POLR3B: variants seen among roughly 807,000 people sequenced by gnomAD.
The protein encoded by POLR3B is RNA polymerase III subunit B.
POLR3B carries 96 observed loss-of-function variants against 147.4 expected under a neutral mutation model. The observed-to-expected ratio is 0.65, with a 90% CI of 0.55 to 0.77. The LOEUF is 0.77. Ranked by LOEUF, POLR3B falls within the 30% of genes least tolerant of loss-of-function variation. The pLI is 0.00. For synonymous variants in POLR3B, 461 were observed against 485.9 expected (o/e 0.95, Z 0.67); for missense variants, 1,036 against 1,413.5 (o/e 0.73, Z 4.28).
intron 19 of POLR3B, 42 bp from the exon 20 acceptor site, chr12:106,454,460 A>G (rs754150160): frequency 7.5e-6 from 7 of 928,798 alleles, no homozygotes; most frequent in Non-Finnish European, 5.4e-6. Context: ...ATTATTTCAC[A>G]TAATAGAATG....
rs576237770 is a variant in POLR3B, at chr12:106,510,136, G to C, written c.*587G>C. The C allele has an allele frequency of 1.4e-4, 22 of 162,722 alleles. No homozygotes were observed. Among genetic ancestry groups the C allele is most frequent in the Admixed American group, 2.3e-4 (4 of 17,202 alleles). 10.1% of individuals were successfully genotyped at this position (162,722 alleles called of 1,614,324 possible). ...GTCGTCTTCTCCTATGGACTCAATT[G>C]CTATTATTTTAAACCTGCATGATTG... On this transcript the variant is annotated 3_prime_UTR_variant, in exon 28 of 28. Coordinates refer to ENST00000228347, the MANE Select transcript of POLR3B (RefSeq NM_018082.6).
At chr12:106,379,125 T>C (rs950050727) in intron 8 of POLR3B, among the ~76,000 whole-genome samples, 1 of 152,238 alleles carries the variant, frequency 6.6e-6, no homozygotes. Context: ...GGTATATTAT[T>C]TGTCACCTCA....
chr12:106,459,655 G>A (rs2037909975), intron 22 of POLR3B, among the ~76,000 whole-genome samples: 1 of 152,194 alleles, frequency 6.6e-6, no homozygotes, highest in South Asian at 2.1e-4. Context: ...TGGAGGATCA[G>A]TGTAGCTTGC....
At chr12:106,369,444 G>A (rs928380357) in intron 5 of POLR3B, 94 bp downstream of exon 5, 5 of 941,870 alleles carry the variant, frequency 5.3e-6, no homozygotes, top group Non-Finnish European at 8.8e-6. Flanking sequence ...AAAATGGGAT[G>A]GGGGGGGACA....
rs187407858 is a variant in POLR3B, at chr12:106,413,438, G to C, written c.1101+2478G>C. Among the ~76,000 whole-genome samples, 14 of 152,102 alleles carry C rather than the reference G, an allele frequency of 9.2e-5. No individual in the cohort carries two copies. In the East Asian group the frequency reaches 2.7e-3, roughly 29 times the overall value. ...AAATATTTCACCTCCTTCTGCCTCA[G>C]GTTCCCTGTCTGTAAAAATGGGGTT... On this transcript the variant is annotated intron_variant, in intron 12 of 27. Transcript: ENST00000228347.
At chr12:106,397,648 T>C (rs905463494) in intron 10 of POLR3B, among the ~76,000 whole-genome samples, 2 of 152,252 alleles carry the variant, frequency 1.3e-5, no homozygotes, top group African/African-American at 4.8e-5. Context: ...GTTATTTCTT[T>C]TCATTCCTTT....
At chr12:106,399,682 C>G (rs375318520) in intron 10 of POLR3B, among the ~76,000 whole-genome samples, 1 of 152,086 alleles carries the variant, frequency 6.6e-6, no homozygotes, top group East Asian at 1.9e-4. Flanking sequence ...TCAACATTCT[C>G]AAAGAAAAGA....
chr12:106,502,899 A>G (rs868592004), intron 26 of POLR3B, among the ~76,000 whole-genome samples: 8 of 152,196 alleles, frequency 5.3e-5, no homozygotes, highest in Admixed American at 3.9e-4. Flanking sequence ...GTTATTTCCT[A>G]TATTTTGCTT....
At chr12:106,391,473 A>G (rs1032533427) in intron 9 of POLR3B, among the ~76,000 whole-genome samples, 18 of 152,256 alleles carry the variant, frequency 1.2e-4, no homozygotes, top group Admixed American at 2.6e-4. Context: ...AAAACCACCA[A>G]TGTTGGCCTA....
chr12:106,504,716 C>T lies in POLR3B; in HGVS notation c.3272+462C>T, dbSNP rs749986981. On this transcript the variant is annotated intron_variant, in intron 27 of 27. Transcript: ENST00000228347. This position sits in a 1 kb window ranked among gnomAD's most constrained non-coding sequence, Gnocchi z 4.6. Reference sequence around the variant, plus strand: ...GAGCCAAGAGCCAAGACCAAGACGACCTGGTACCCTGCCCCCTTGTCTGTA... The same window carrying T: ...GAGCCAAGAGCCAAGACCAAGACGATCTGGTACCCTGCCCCCTTGTCTGTA... Among the ~76,000 whole-genome samples the T allele has an allele frequency of 3.3e-5, 5 of 152,316 alleles. No individual in the cohort carries two copies. Among genetic ancestry groups the T allele is most frequent in the Non-Finnish European group, 5.9e-5 (4 of 68,032 alleles).
intron 10 of POLR3B, among the ~76,000 whole-genome samples, chr12:106,402,143 T>C (rs1310858750): frequency 1.3e-5 from 2 of 152,108 alleles, no homozygotes; most frequent in East Asian, 1.9e-4. Flanking sequence ...TGTGCAAAAA[T>C]CACAAGCATT....
At chr12:106,424,215 G>C (rs2037407771) in intron 12 of POLR3B, among the ~76,000 whole-genome samples, 1 of 151,990 alleles carries the variant, frequency 6.6e-6, no homozygotes. Context: ...TATAAACCAG[G>C]AGTTAAATCT....
intron 16 of POLR3B, among the ~76,000 whole-genome samples, chr12:106,436,820 A>G (rs1432514815): frequency 6.6e-6 from 1 of 152,198 alleles, no homozygotes; most frequent in Non-Finnish European, 1.5e-5. Flanking sequence ...GTGCATGAAT[A>G]TGTCCACACA....
chr12:106,402,492 C>A (rs889901134), intron 10 of POLR3B, among the ~76,000 whole-genome samples: 2 of 152,108 alleles, frequency 1.3e-5, no homozygotes, highest in African/African-American at 4.8e-5. Context: ...AAAAAGAGCC[C>A]GCATCGCCAA....
chr12:106,358,971 A>G (rs1212514519), intron 1 of POLR3B, among the ~76,000 whole-genome samples: 1 of 152,312 alleles, frequency 6.6e-6, no homozygotes, highest in South Asian at 2.1e-4. Context: ...TAATACCAGT[A>G]GTTTGGGAGG....
intron 23 of POLR3B, among the ~76,000 whole-genome samples, chr12:106,481,565 A>G (rs2038268508): frequency 6.6e-6 from 1 of 152,160 alleles, no homozygotes; most frequent in African/African-American, 2.4e-5. Flanking sequence ...ATCTGCAGGG[A>G]CTTAGTATTA....
Position 106,437,147 on chromosome 12 carries a change from TA to T in POLR3B, c.1856+20del. On this transcript the variant is annotated intron_variant, in intron 17 of 27. Transcript: ENST00000228347. ...AAGGGTACAGGTAAGTAGCCAAAAG[TA>T]AAACTTACCAATCTCCTTAATACCC... 1 of 1,549,026 alleles carries T rather than the reference TA, an allele frequency of 6.5e-7. No homozygotes were observed. The highest frequency in any genetic ancestry group is 8.9e-7 in the Non-Finnish European group (1 of 1,121,878).
At chr12:106,419,698 T>C (rs1485719225) in intron 12 of POLR3B, among the ~76,000 whole-genome samples, 1 of 151,510 alleles carries the variant, frequency 6.6e-6, no homozygotes, top group African/African-American at 2.4e-5. Flanking sequence ...CTAATAGAAT[T>C]AATTGTATAG....
In POLR3B at chr12:106,359,026, T is replaced by A. The variant is rs116664100; in HGVS notation, c.72+1075T>A. On this transcript the variant is annotated intron_variant, in intron 1 of 27. Coordinates refer to ENST00000228347, the MANE Select transcript of POLR3B (RefSeq NM_018082.6). ...TGGGCTCAAGAGTTTGAGAACAGCT[T>A]GGGCGACATGGCAAAACCCTGTTTC... Among the ~76,000 whole-genome samples the A allele has an allele frequency of 8.0e-3, 1,220 of 152,264 alleles. 18 individuals are homozygous for A. Among genetic ancestry groups the A allele is most frequent in the African/African-American group, 0.028 (1,164 of 41,530 alleles).
Sources: allele counts gnomAD v4.1 joint callset (sites outside exome capture counted in the v4.1 genomes callset), GRCh38; gene constraint gnomAD v4.1.1; non-coding constraint Gnocchi (gnomAD v3.1); transcripts MANE v1.5; gene names NCBI Gene and HGNC (gene_info 2026-07-23, HGNC 2026-07-21).